Variants in EXOC4 observed in about 807,000 individuals in gnomAD.
The protein encoded by EXOC4 is SEC8-like 1.
In EXOC4, 71 loss-of-function variants were observed where a neutral mutation model predicts 107.2. The ratio of observed to expected loss-of-function variants is 0.66; its 90% CI spans 0.55 to 0.81. The LOEUF (loss-of-function observed/expected upper bound fraction) is 0.81. Ranked by LOEUF, EXOC4 falls within the 30% of genes least tolerant of loss-of-function variation. The pLI is 0.00. For synonymous variants in EXOC4, 456 were observed against 441.2 expected, an observed-to-expected ratio of 1.03 and a Z score of -0.42; for missense variants, 1,108 against 1,189.6, an observed-to-expected ratio of 0.93 and a Z score of 1.01.
At chr7:134,083,715 G>A in the EXOC4 span, among the ~76,000 whole-genome samples, 1 of 152,172 alleles carries the variant, frequency 6.6e-6, no homozygotes, top group Non-Finnish European at 1.5e-5. Flanking sequence ...GATGTGACCA[G>A]TCCTTTTAAA....
chr7:133,969,065 G>A (rs1442539148), intron 14 of EXOC4, among the ~76,000 whole-genome samples: 1 of 151,790 alleles, frequency 6.6e-6, no homozygotes, highest in Non-Finnish European at 1.5e-5. Context: ...TCTAATCTTG[G>A]CTTCACGCTT....
chr7:133,979,729 A>G (rs886237495), intron 14 of EXOC4, among the ~76,000 whole-genome samples: 2 of 152,124 alleles, frequency 1.3e-5, no homozygotes, highest in Admixed American at 6.5e-5. Context: ...CGGAGCTTGC[A>G]GTGAGCCGAG....
At position 133,288,909 on chromosome 7, in the gene EXOC4, T is replaced by G. The variant is rs1307424980; in HGVS notation, c.277-13T>G. 2 of 1,613,038 alleles carry G rather than the reference T, an allele frequency of 1.2e-6. No homozygotes were observed. Among genetic ancestry groups the G allele is most frequent in the Non-Finnish European group, 1.7e-6 (2 of 1,179,230 alleles). ...CTTTGGACTGACCCAAGACCGAATCTGTTTTATTGTAGGTAAAAGAGAACC... is the reference window on the plus strand; with the variant it reads ...CTTTGGACTGACCCAAGACCGAATCGGTTTTATTGTAGGTAAAAGAGAACC... On this transcript the variant is annotated splice_polypyrimidine_tract_variant and intron_variant, in intron 2 of 17. Transcript: ENST00000253861.
At chr7:133,949,602 C>G (rs1800641721) in intron 14 of EXOC4, among the ~76,000 whole-genome samples, 1 of 152,186 alleles carries the variant, frequency 6.6e-6, no homozygotes, top group African/African-American at 2.4e-5. Flanking sequence ...GACTTTTCAG[C>G]AAGTCTGTCA....
chr7:133,321,977 A>G (rs1795121990), intron 5 of EXOC4, among the ~76,000 whole-genome samples: 1 of 152,220 alleles, frequency 6.6e-6, no homozygotes, highest in Non-Finnish European at 1.5e-5. Flanking sequence ...ATGACCAGTG[A>G]TGATGAGCAT....
chr7:133,554,500 G>A (rs2150944736), intron 9 of EXOC4, among the ~76,000 whole-genome samples: 1 of 152,242 alleles, frequency 6.6e-6, no homozygotes, highest in South Asian at 2.1e-4. Context: ...TGCCTGATCT[G>A]TGTTTCAAAA....
chr7:133,654,758 T>C (rs6955530), intron 10 of EXOC4, among the ~76,000 whole-genome samples: 68,287 of 151,968 alleles, frequency 0.45, 15,612 homozygotes, highest in South Asian at 0.62. Context: ...ATTTCATCAT[T>C]ATGCAAACAC....
At chr7:134,080,553 G>C in the EXOC4 span, among the ~76,000 whole-genome samples, 1 of 152,048 alleles carries the variant, frequency 6.6e-6, no homozygotes. Context: ...CAGATGGCAG[G>C]AAGACTAGTC....
intron 7 of EXOC4, among the ~76,000 whole-genome samples, chr7:133,472,344 T>C (rs1156348815): frequency 6.6e-6 from 1 of 152,136 alleles, no homozygotes; most frequent in Non-Finnish European, 1.5e-5. Context: ...GGCAAACTAA[T>C]AGGGAGTTGA....
chr7:133,311,465 A>G (rs1024393758), intron 4 of EXOC4, among the ~76,000 whole-genome samples: 9 of 152,164 alleles, frequency 5.9e-5, no homozygotes, highest in South Asian at 2.1e-4. Flanking sequence ...TATTTAATAT[A>G]TAGTGTTCAG....
At chr7:133,255,281 A>T (rs1794990334) in intron 1 of EXOC4, among the ~76,000 whole-genome samples, 2 of 151,650 alleles carry the variant, frequency 1.3e-5, no homozygotes, top group African/African-American at 4.9e-5. Flanking sequence ...GGTTCAAGTG[A>T]TTCTTCTGCT....
intron 9 of EXOC4, among the ~76,000 whole-genome samples, chr7:133,556,802 A>G (rs1800699594): frequency 6.6e-6 from 1 of 152,112 alleles, no homozygotes; most frequent in Non-Finnish European, 1.5e-5. Context: ...ATATCAGAGG[A>G]CTAAGGGCTT....
intron 7 of EXOC4, among the ~76,000 whole-genome samples, chr7:133,377,732 A>G (rs1796520900): frequency 6.6e-6 from 1 of 152,220 alleles, no homozygotes; most frequent in African/African-American, 2.4e-5. Context: ...TACGCACATT[A>G]TGAAAACCAA....
chr7:133,506,896 C>A (rs1415042084), intron 9 of EXOC4, among the ~76,000 whole-genome samples: 1 of 151,966 alleles, frequency 6.6e-6, no homozygotes, highest in Non-Finnish European at 1.5e-5. Flanking sequence ...ATCCCTAACA[C>A]CTCTTTCCTA....
At chr7:134,090,095 T>C in the EXOC4 span, among the ~76,000 whole-genome samples, 9 of 152,212 alleles carry the variant, frequency 5.9e-5, no homozygotes, top group Non-Finnish European at 2.9e-5. Context: ...TTTCTACTTT[T>C]CTGACAACGT....
In EXOC4 at chr7:133,837,145, A is replaced by G. The variant is rs114403157; in HGVS notation, c.1734+19601A>G. 2.4e-3 allele frequency among the ~76,000 whole-genome samples: 371 copies of G among 152,350 alleles called. 5 individuals carry two copies. The highest frequency in any genetic ancestry group is 8.2e-3 in the African/African-American group (342 of 41,580). ...GGAAAAAACTTTGGCCTGGAATTCAATTGAACTAACAATTTTTGAATGCCT... is the reference window on the plus strand; with the variant it reads ...GGAAAAAACTTTGGCCTGGAATTCAGTTGAACTAACAATTTTTGAATGCCT... On this transcript the variant is annotated intron_variant, in intron 11 of 17. Transcript: ENST00000253861.
intron 14 of EXOC4, among the ~76,000 whole-genome samples, chr7:133,966,323 T>C (rs964576987): frequency 3.3e-5 from 5 of 152,206 alleles, no homozygotes; most frequent in African/African-American, 1.2e-4. Flanking sequence ...TTTATTTCTT[T>C]CTTTTGCCTG....
chr7:133,305,878 T>C lies in EXOC4; in HGVS notation c.473T>C (p.Val158Ala). Residue 158 changes from valine to alanine, a missense_variant and splice_region_variant, in exon 4 of 18, where the codon GTG becomes GCG. Val to Ala is a moderately conservative substitution (Grantham distance 64, BLOSUM62 0). Transcript: ENST00000253861. ...TCTTTCATTTTTTTCTCTTTTCAGGTGTCAGCAGTTGAGTCTTTGGAGGGC... is the reference window on the plus strand; with the variant it reads ...TCTTTCATTTTTTTCTCTTTTCAGGCGTCAGCAGTTGAGTCTTTGGAGGGC... ...KHYLSATDML[V>A]SAVESLEGPL... The C allele has an allele frequency of 1.3e-6, 2 of 1,593,714 alleles. No homozygotes were observed. Among genetic ancestry groups the C allele is most frequent in the Non-Finnish European group, 1.7e-6 (2 of 1,171,562 alleles).
At chr7:134,055,780 A>T (rs1795906438) in intron 17 of EXOC4, among the ~76,000 whole-genome samples, 1 of 152,200 alleles carries the variant, frequency 6.6e-6, no homozygotes, top group African/African-American at 2.4e-5. Flanking sequence ...TTTAAATTAA[A>T]ACATTTGCTT....
Sources: gnomAD v4.1 joint callset for allele counts (sites outside exome capture counted in the v4.1 genomes callset) on GRCh38, gnomAD v4.1.1 for gene constraint, MANE v1.5 for transcripts, NCBI Gene and HGNC (gene_info 2026-07-23, HGNC 2026-07-21) for gene names.